The following PDE6C variants were observed in gnomAD, a reference collection of about 807,000 sequenced individuals.
PDE6C encodes the protein phosphodiesterase 6C, also known as cone cGMP-specific 3',5'-cyclic phosphodiesterase subunit alpha'.
In PDE6C, 75 loss-of-function variants were observed where a neutral mutation model predicts 113.1. That is an observed-to-expected ratio of 0.66 (90% CI 0.55 to 0.80). The LOEUF (loss-of-function observed/expected upper bound fraction) is 0.80. Among genes scored for constraint, PDE6C ranks in the 30% least tolerant of loss-of-function variants. The pLI is 0.00. For missense variants in PDE6C, 912 were observed against 1,038.6 expected (o/e 0.88, Z 1.67); for synonymous variants, 375 against 363.7 (o/e 1.03, Z -0.35).
chr10:93,662,444 G>C, intron 19 of PDE6C, 116 bp from the exon 20 acceptor site: 1 of 545,904 alleles, frequency 1.8e-6, no homozygotes. Context: ...ACTGGAGACA[G>C]AGTGAGACTC....
At chr10:93,636,495 A>G (rs747335690) in intron 10 of PDE6C, among the ~76,000 whole-genome samples, 5 of 151,098 alleles carry the variant, frequency 3.3e-5, no homozygotes, top group Non-Finnish European at 7.4e-5. Flanking sequence ...TGATAGTTTG[A>G]GATGTTAAAG....
At chr10:93,642,895 G>T (rs2058566840) in intron 14 of PDE6C, among the ~76,000 whole-genome samples, 1 of 152,102 alleles carries the variant, frequency 6.6e-6, no homozygotes, top group South Asian at 2.1e-4. Context: ...CAGACTTGAG[G>T]CAAGAGACAT....
At chr10:93,660,484 G>T (rs1168673977) in intron 18 of PDE6C, among the ~76,000 whole-genome samples, 3 of 152,138 alleles carry the variant, frequency 2.0e-5, no homozygotes, top group African/African-American at 7.2e-5. Context: ...CCTCTTGAAT[G>T]AAGGTCTTAT....
chr10:93,661,292 A>C (rs970936313), intron 18 of PDE6C, among the ~76,000 whole-genome samples: 3 of 152,164 alleles, frequency 2.0e-5, no homozygotes, highest in African/African-American at 4.8e-5. Flanking sequence ...GCACTCACAG[A>C]AGCTTTGTAC....
chr10:93,663,025 T>C lies in PDE6C; in HGVS notation c.2368-3T>C. On this transcript the variant is annotated splice_region_variant and splice_polypyrimidine_tract_variant and intron_variant, in intron 20 of 21. Coordinates refer to ENST00000371447, the MANE Select transcript of PDE6C (RefSeq NM_006204.4). ...GTAGTTTCTGACCTAAAATTCCTTT[T>C]AGGAGTTCTCACGGTTTCACAAAGA... 2.5e-6 allele frequency: 4 copies of C among 1,610,670 alleles called. No individual in the cohort carries two copies. Among genetic ancestry groups the C allele is most frequent in the South Asian group, 1.1e-5 (1 of 90,926 alleles).
rs777691597 is a variant in PDE6C, at chr10:93,641,329, C to T, written c.1847+300C>T. Among the ~76,000 whole-genome samples the T allele has an allele frequency of 6.3e-4, 95 of 151,972 alleles. 3 individuals carry two copies. Among genetic ancestry groups the T allele is most frequent in the Non-Finnish European group, 7.4e-5 (5 of 68,006 alleles). On this transcript the variant is annotated intron_variant, in intron 14 of 21. Transcript: ENST00000371447. ...TTTGTTTAATCAGAGTATTGAATTCCTATATTAAAGTGCATGAATCTGGCT... is the reference window on the plus strand; with the variant it reads ...TTTGTTTAATCAGAGTATTGAATTCTTATATTAAAGTGCATGAATCTGGCT...
chr10:93,614,756 G>C (rs2058412028), intron 1 of PDE6C, among the ~76,000 whole-genome samples: 1 of 152,128 alleles, frequency 6.6e-6, no homozygotes, highest in African/African-American at 2.4e-5. Context: ...AGGTGGTTTT[G>C]GTCTGCGGCT....
chr10:93,654,055 T>C (rs1489188536), intron 15 of PDE6C, among the ~76,000 whole-genome samples: 2 of 152,234 alleles, frequency 1.3e-5, no homozygotes, highest in Non-Finnish European at 2.9e-5. Flanking sequence ...GCCTCATAAC[T>C]TTACGTAATA....
At chr10:93,622,665 G>GTTTTTTTTTTTTTTTTTTTTTTTT (rs772786278) in intron 4 of PDE6C, among the ~76,000 whole-genome samples, 1 of 56,142 alleles carries the variant, frequency 1.8e-5, no homozygotes, top group Non-Finnish European at 3.6e-5. Context: ...TTTTTTTGTT[G>GTTTTTTTTTTTTTTTTTTTTTTTT]TTTTTTTTTT....
intron 8 of PDE6C, among the ~76,000 whole-genome samples, chr10:93,633,236 C>A (rs1222437182): frequency 6.6e-6 from 1 of 152,024 alleles, no homozygotes; most frequent in African/African-American, 2.4e-5. Flanking sequence ...GAGGCTGAGG[C>A]GGGCGGATCA....
intron 5 of PDE6C, among the ~76,000 whole-genome samples, chr10:93,626,086 G>A (rs1176919433): frequency 6.6e-6 from 1 of 152,166 alleles, no homozygotes; most frequent in Non-Finnish European, 1.5e-5. Context: ...GGGATGGATT[G>A]TGTCCAGGCC....
Position 93,613,004 on chromosome 10 carries a change from T to C in PDE6C, c.279T>C (p.Ala93=), listed in dbSNP as rs138308024. The C allele has an allele frequency of 6.2e-7, 1 of 1,614,150 alleles. No individual in the cohort carries two copies. The highest frequency in any genetic ancestry group is 8.5e-7 in the Non-Finnish European group (1 of 1,180,012). ...ALQRLAHLLQ[A]DRCSMFLCRS... ...AGAGGCTGGCCCACCTGCTCCAGGC[T>C]GACCGCTGCAGCATGTTCCTGTGCC... The change falls in exon 1 of 22, where the codon GCT becomes GCC. Residue 93 remains alanine, a synonymous_variant. Coordinates refer to ENST00000371447, the MANE Select transcript of PDE6C (RefSeq NM_006204.4).
chr10:93,614,760 T>C (rs922518704), intron 1 of PDE6C, among the ~76,000 whole-genome samples: 1 of 152,176 alleles, frequency 6.6e-6, no homozygotes, highest in Non-Finnish European at 1.5e-5. Context: ...GGTTTTGGTC[T>C]GCGGCTGTCC....
At chr10:93,635,199 C>CATTTTT (rs969247880) in intron 9 of PDE6C, among the ~76,000 whole-genome samples, 3 of 152,158 alleles carry the variant, frequency 2.0e-5, no homozygotes, top group Admixed American at 6.5e-5. Flanking sequence ...TGTTCCCTCT[C>CATTTTT]ATTCTTATTC....
intron 3 of PDE6C, 113 bp downstream of exon 3, chr10:93,621,093 C>A: frequency 1.2e-6 from 1 of 842,596 alleles, no homozygotes; most frequent in Non-Finnish European, 2.0e-6. Flanking sequence ...CCACGTGGAA[C>A]AGATCCCCAA....
At chr10:93,630,931 A>T (rs901974237) in intron 8 of PDE6C, among the ~76,000 whole-genome samples, 1 of 152,152 alleles carries the variant, frequency 6.6e-6, no homozygotes, top group Admixed American at 6.5e-5. Flanking sequence ...CCCTATATTT[A>T]TGGCACGTGG....
chr10:93,661,127 C>A (rs997736997), intron 18 of PDE6C, among the ~76,000 whole-genome samples: 15 of 152,158 alleles, frequency 9.9e-5, no homozygotes, highest in African/African-American at 3.6e-4. Context: ...TTCAGGGGAA[C>A]CCTAGACTCC....
intron 15 of PDE6C, among the ~76,000 whole-genome samples, chr10:93,653,700 C>A (rs2058620308): frequency 1.3e-5 from 2 of 152,110 alleles, no homozygotes; most frequent in South Asian, 4.2e-4. Context: ...TGATTTTGAT[C>A]CAGATAATCT....
intron 5 of PDE6C, among the ~76,000 whole-genome samples, chr10:93,626,353 T>C (rs1460059185): frequency 6.6e-6 from 1 of 152,194 alleles, no homozygotes; most frequent in Non-Finnish European, 1.5e-5. Flanking sequence ...CTCTGATGAT[T>C]TGGTAGCCAA....
Sources: gnomAD v4.1 joint callset for allele counts (sites outside exome capture counted in the v4.1 genomes callset) on GRCh38, gnomAD v4.1.1 for gene constraint, MANE v1.5 for transcripts, NCBI Gene and HGNC (gene_info 2026-07-23, HGNC 2026-07-21) for gene names.